The following AKNA variants were observed in gnomAD, a reference collection of about 807,000 sequenced individuals.
AKNA encodes AT-hook transcription factor.
In AKNA, 67 loss-of-function variants were observed where a neutral mutation model predicts 138.8. The observed-to-expected ratio is 0.48, with a 90% CI of 0.40 to 0.59. The LOEUF (loss-of-function observed/expected upper bound fraction) is 0.59, where lower values mean the gene tolerates loss of function less well. AKNA is among the 20% of genes least tolerant of loss of function. AKNA has a pLI of 0.00. For synonymous variants in AKNA, 737 were observed against 754.4 expected, an observed-to-expected ratio of 0.98 and a Z score of 0.38; for missense variants, 1,813 against 1,880.4, an observed-to-expected ratio of 0.96 and a Z score of 0.66.
rs1833667603 is a variant in AKNA at position 114,381,445 on chromosome 9, C to G, written c.-112G>C. The stretch of plus-strand genomic sequence containing the variant: ...GTCAGCATCGGCCATCCTGCCTGTG[C>G]CCTGTCAGGGACACATTCAAGAGAG... On this transcript the variant is annotated splice_region_variant and 5_prime_UTR_variant, in exon 2 of 22. Coordinates refer to ENST00000374088, the MANE Select transcript of AKNA (RefSeq NM_001317950.2). The G allele has an allele frequency of 2.8e-6, 4 of 1,434,330 alleles. 1 individual carries two copies. The highest frequency in any genetic ancestry group is 3.6e-4 in the Middle Eastern group (2 of 5,484). 88.9% of individuals were successfully genotyped at this position (1,434,330 alleles called of 1,614,324 possible). A position where few individuals can be genotyped will look rare whatever the true frequency, so the allele number is the denominator to read the frequency against.
At chr9:114,340,189 C>T (rs1404450037) in intron 21 of AKNA, among the ~76,000 whole-genome samples, 1 of 152,136 alleles carries the variant, frequency 6.6e-6, no homozygotes, top group African/African-American at 2.4e-5. Flanking sequence ...GCCTTGGGTC[C>T]CTGCTCCACC....
rs1831073826 is a variant in AKNA at position 114,350,952 on chromosome 9, CTGATTGTCT to C, written c.3119_3127del (p.Lys1040_Ile1042del). The C allele has an allele frequency of 6.2e-7, 1 of 1,613,004 alleles. No homozygotes were observed. Among genetic ancestry groups the C allele is most frequent in the South Asian group, 1.1e-5 (1 of 91,024 alleles). On this transcript the variant is annotated inframe_deletion, in exon 15 of 22. Transcript: ENST00000374088. ...GGCAGGGGCGGGGGCTGGGGGTGGG[CTGATTGTCT>C]TGTTGGGAAGGGGCTGTTCAGAAAT...
At chr9:114,353,634 T>C (rs1831287042) in intron 14 of AKNA, among the ~76,000 whole-genome samples, 2 of 152,212 alleles carry the variant, frequency 1.3e-5, no homozygotes, top group Non-Finnish European at 2.9e-5. Context: ...ACATTGTTAT[T>C]CTGTTTCACC....
intron 1 of AKNA, 25 bp downstream of exon 1, chr9:114,387,835 G>A (rs1261394684): frequency 4.5e-6 from 2 of 440,866 alleles, no homozygotes; most frequent in East Asian, 7.2e-5. Context: ...GGCCTCCCGG[G>A]CCCTCCTCCG....
chr9:114,362,595 G>A, intron 7 of AKNA, 62 bp from the exon 8 acceptor site: 1 of 1,562,520 alleles, frequency 6.4e-7, no homozygotes, highest in East Asian at 2.3e-5. Flanking sequence ...TGTCCCTGAA[G>A]ACACAGTGGA....
Position 114,376,771 on chromosome 9 carries a change from C to T in AKNA, c.1036G>A (p.Ala346Thr), listed in dbSNP as rs1781852274. 6.2e-7 allele frequency: 1 copy of T among 1,612,586 alleles called. No individual in the cohort carries two copies. Among genetic ancestry groups the T allele is most frequent in the Non-Finnish European group, 8.5e-7 (1 of 1,179,086 alleles). The change falls in exon 3 of 22, where the codon GCC becomes ACC. Residue 346 changes from alanine to threonine, a missense_variant. Physicochemically the swap from Ala to Thr is moderately conservative, Grantham distance 58. Transcript: ENST00000374088. ...ATLAGRSSSN[A>T]PKYGRGQLNY... ...AACTGCCCCCGGCCATACTTGGGGG[C>T]ATTAGAAGAGGAGCGGCCAGCCAGA...
At chr9:114,368,339 C>T in intron 5 of AKNA, 100 bp downstream of exon 5, 2 of 1,264,522 alleles carry the variant, frequency 1.6e-6, no homozygotes, top group Non-Finnish European at 2.0e-6. Flanking sequence ...CTTCCCCTGG[C>T]CTGAGGCCAG....
chr9:114,364,533 A>G, intron 7 of AKNA, 27 bp downstream of exon 7: 1 of 1,612,890 alleles, frequency 6.2e-7, no homozygotes, highest in African/African-American at 1.3e-5. Context: ...TGGCAGTTCC[A>G]TGGGTGGCTC....
At position 114,337,006 on chromosome 9, in the gene AKNA, GCCACCTGC is replaced by G; in HGVS notation, c.*40_*47del. ...CTCCAGCCCACTCCTGGCCTGGCAG[GCCACCTGC>G]CCACCCACCCACCCATCTGCCTCTG... On this transcript the variant is annotated 3_prime_UTR_variant, in exon 22 of 22. Coordinates refer to ENST00000374088, the MANE Select transcript of AKNA (RefSeq NM_001317950.2). 1 of 1,253,176 alleles carries G rather than the reference GCCACCTGC, an allele frequency of 8.0e-7. No individual in the cohort carries two copies. The highest frequency in any genetic ancestry group is 1.1e-6 in the Non-Finnish European group (1 of 939,408). 77.6% of individuals were successfully genotyped at this position (1,253,176 alleles called of 1,614,324 possible). A position where few individuals can be genotyped will look rare whatever the true frequency, so the allele number is the denominator to read the frequency against.
At chr9:114,369,221 C>A (rs917840244) in intron 4 of AKNA, among the ~76,000 whole-genome samples, 2 of 152,130 alleles carry the variant, frequency 1.3e-5, no homozygotes, top group Admixed American at 1.3e-4. Context: ...GGCAGGTGAC[C>A]AAGGAAGGCC....
chr9:114,362,525 C>A lies in AKNA; in HGVS notation c.1797G>T (p.Gln599His). ...LMPQDQVKGF[Q>H]RLKAAHAALE... is the part of the protein sequence containing the mutation. ...GGGCCGCGTGGGCAGCCTTCAGCCG[C>A]TGGAAGCCCTGAAACCAGACCAGGC... The change falls in exon 8 of 22, where the codon CAG becomes CAT. Residue 599 changes from glutamine to histidine, a missense_variant. By Grantham distance (24) the Gln-to-His change is conservative. Transcript: ENST00000374088. 1 of 1,613,020 alleles carries A rather than the reference C, an allele frequency of 6.2e-7. No individual in the cohort carries two copies. The highest frequency in any genetic ancestry group is 1.3e-5 in the African/African-American group (1 of 75,016).
At chr9:114,360,997 T>A (rs998391721) in intron 9 of AKNA, among the ~76,000 whole-genome samples, 1 of 152,078 alleles carries the variant, frequency 6.6e-6, no homozygotes, top group Non-Finnish European at 1.5e-5. Flanking sequence ...CCAAGTCCAC[T>A]CAAACATACC....
chr9:114,353,455 G>T (rs1419596518), intron 14 of AKNA, among the ~76,000 whole-genome samples: 6 of 152,058 alleles, frequency 3.9e-5, no homozygotes, highest in Admixed American at 3.9e-4. Context: ...GTGGAGATGG[G>T]GTTTTGCCAT....
chr9:114,394,663 T>C (rs1214646848), upstream of AKNA, among the ~76,000 whole-genome samples: 1 of 152,244 alleles, frequency 6.6e-6, no homozygotes, highest in Non-Finnish European at 1.5e-5. Context: ...GATTGGATCC[T>C]CATAAATAAT....
In AKNA at chr9:114,347,827, G is replaced by A. The variant is rs1430766415; in HGVS notation, c.3295C>T (p.Leu1099Phe). Residue 1099 changes from leucine to phenylalanine, a missense_variant, in exon 16 of 22, where the codon CTC becomes TTC. Coordinates refer to ENST00000374088, the MANE Select transcript of AKNA (RefSeq NM_001317950.2). Reference sequence around the variant, plus strand: ...GCTGGGCGTGTCGGGCTGCCCTGGAGTGGCTGGTGCAGGCTGTCTTCCAGC... The same window carrying A: ...GCTGGGCGTGTCGGGCTGCCCTGGAATGGCTGGTGCAGGCTGTCTTCCAGC... ...LRLEDSLHQP[L>F]QGSPTRPASA... 1 of 1,551,490 alleles carries A rather than the reference G, an allele frequency of 6.4e-7. No individual in the cohort carries two copies. The highest frequency in any genetic ancestry group is 2.5e-5 in the East Asian group (1 of 40,766).
chr9:114,360,298 GT>G (rs1831852674), intron 9 of AKNA, among the ~76,000 whole-genome samples: 1 of 152,126 alleles, frequency 6.6e-6, no homozygotes, highest in Non-Finnish European at 1.5e-5. Context: ...CAGATACCAT[GT>G]CACAACAATC....
upstream of AKNA, among the ~76,000 whole-genome samples, chr9:114,395,035 A>T (rs1040222526): frequency 6.6e-6 from 1 of 152,152 alleles, no homozygotes; most frequent in Non-Finnish European, 1.5e-5. Flanking sequence ...CTCACTCGGC[A>T]ATGGAGCTGG....
At position 114,393,071 on chromosome 9, in the gene AKNA, C is replaced by G. The variant is rs551061291; in HGVS notation, c.-114+1286G>C. Reference sequence around the variant, plus strand: ...TGAACACCTATTATGTGTCAAATACCTTATAAAAGCCTTTCCATGGACTCA... The same window carrying G: ...TGAACACCTATTATGTGTCAAATACGTTATAAAAGCCTTTCCATGGACTCA... On this transcript the variant is annotated intron_variant, in intron 1 of 21. Coordinates refer to the AKNA transcript ENST00000307564. 2.1e-3 allele frequency among the ~76,000 whole-genome samples: 316 copies of G among 152,278 alleles called. 2 individuals carry two copies. The highest frequency in any genetic ancestry group is 2.1e-4 in the Non-Finnish European group (14 of 68,020).
At chr9:114,351,474 T>C (rs1831114985) in intron 14 of AKNA, among the ~76,000 whole-genome samples, 1 of 152,132 alleles carries the variant, frequency 6.6e-6, no homozygotes, top group Admixed American at 6.6e-5. Flanking sequence ...CCCAAAGGGA[T>C]GGGTGACCAA....
Sources: gnomAD v4.1 joint callset for allele counts (sites outside exome capture counted in the v4.1 genomes callset) on GRCh38, gnomAD v4.1.1 for gene constraint, MANE v1.5 for transcripts, NCBI Gene and HGNC (gene_info 2026-07-23, HGNC 2026-07-21) for gene names.